The following ACBD6 variants were observed in gnomAD, a reference collection of about 807,000 sequenced individuals.
ACBD6 encodes acyl-CoA-binding domain-containing protein 6.
ACBD6 carries 28 observed loss-of-function variants against 37.2 expected under a neutral mutation model. The observed-to-expected ratio is 0.75, with a 90% CI of 0.56 to 1.03. The LOEUF is 1.03. Among genes scored for constraint, ACBD6 ranks in the 50% least tolerant of loss-of-function variants. ACBD6 has a pLI of 0.00. For synonymous variants in ACBD6, 113 were observed against 126.8 expected (o/e 0.89, Z 0.73); for missense variants, 340 against 337.4 (o/e 1.01, Z -0.06).
chr1:180,418,890 G>A (rs1384736724), intron 4 of ACBD6, among the ~76,000 whole-genome samples: 1 of 152,226 alleles, frequency 6.6e-6, no homozygotes, highest in Non-Finnish European at 1.5e-5. Context: ...GTAACCACAT[G>A]TAAGAAGCCT....
intron 3 of ACBD6, among the ~76,000 whole-genome samples, chr1:180,485,680 T>G (rs1317621543): frequency 2.0e-5 from 3 of 152,224 alleles, no homozygotes; most frequent in Non-Finnish European, 4.4e-5. Flanking sequence ...AATTTTCTGT[T>G]GTTTTAAACC....
At chr1:180,492,886 A>G (rs1194636275) in intron 2 of ACBD6, among the ~76,000 whole-genome samples, 1 of 152,148 alleles carries the variant, frequency 6.6e-6, no homozygotes, top group East Asian at 1.9e-4. Context: ...TATCTCATCT[A>G]TAAGCTTCTA....
chr1:180,270,825 G>T (rs1648601573), exon 14 of ACBD6: 1 of 167,620 alleles, frequency 6.0e-6, no homozygotes, highest in African/African-American at 2.4e-5. Context: ...GCCCACGAGT[G>T]GGTTCTGACC....
intron 3 of ACBD6, among the ~76,000 whole-genome samples, chr1:180,444,906 G>A (rs1406830534): frequency 3.9e-5 from 6 of 152,158 alleles, no homozygotes; most frequent in Admixed American, 6.5e-5. Flanking sequence ...TTAAAGCCTT[G>A]TGAAACTTTT....
intron 6 of ACBD6, among the ~76,000 whole-genome samples, chr1:180,381,325 C>G (rs1313331173): frequency 6.6e-6 from 1 of 152,084 alleles, no homozygotes; most frequent in Non-Finnish European, 1.5e-5. Context: ...AGAAAGTCAA[C>G]AAAGAAATAC....
intron 4 of ACBD6, among the ~76,000 whole-genome samples, chr1:180,423,827 C>T (rs578107326): frequency 2.0e-5 from 3 of 152,158 alleles, no homozygotes; most frequent in African/African-American, 7.2e-5. Flanking sequence ...AATCAGTTGC[C>T]GTATCAGAAA....
exon 14 of ACBD6, chr1:180,271,110 T>C: frequency 5.6e-6 from 3 of 533,708 alleles, no homozygotes; most frequent in Non-Finnish European, 6.8e-6. Flanking sequence ...GAGACTTCTG[T>C]GCAGCTGGGC....
intron 6 of ACBD6, among the ~76,000 whole-genome samples, chr1:180,333,914 A>G (rs1284889604): frequency 6.6e-6 from 1 of 152,204 alleles, no homozygotes; most frequent in Non-Finnish European, 1.5e-5. Flanking sequence ...AGCCTCGCTC[A>G]TTGCTAGCAC....
chr1:180,457,021 G>C (rs1423713111), intron 3 of ACBD6, among the ~76,000 whole-genome samples: 1 of 152,050 alleles, frequency 6.6e-6, no homozygotes, highest in Non-Finnish European at 1.5e-5. Context: ...TGCAAACCTA[G>C]AAACCGTAGA....
chr1:180,373,281 C>T (rs898202192), intron 6 of ACBD6, among the ~76,000 whole-genome samples: 5 of 152,044 alleles, frequency 3.3e-5, no homozygotes, highest in African/African-American at 9.7e-5. Context: ...TCTTTGAATA[C>T]AAAAATCAAA....
At chr1:180,274,931 A>T (rs1230782461) in exon 10 of ACBD6, 1 of 211,342 alleles carries the variant, frequency 4.7e-6, no homozygotes, top group African/African-American at 2.3e-5. Flanking sequence ...GCCTTTGGGA[A>T]CTTTGCTCCA....
chr1:180,376,702 G>C (rs1016159362), intron 6 of ACBD6, among the ~76,000 whole-genome samples: 4 of 152,184 alleles, frequency 2.6e-5, no homozygotes, highest in Non-Finnish European at 5.9e-5. Context: ...TTACCTGTAG[G>C]GAGTGGGTGA....
chr1:180,392,976 C>G (rs1182128495), intron 6 of ACBD6, among the ~76,000 whole-genome samples: 3 of 152,328 alleles, frequency 2.0e-5, no homozygotes, highest in Non-Finnish European at 4.4e-5. Flanking sequence ...TCCTACTCCT[C>G]CTACCAATAA....
At chr1:180,488,414 C>T (rs534867862) in intron 3 of ACBD6, among the ~76,000 whole-genome samples, 22 of 152,210 alleles carry the variant, frequency 1.4e-4, no homozygotes, top group Admixed American at 1.0e-3. Flanking sequence ...AGAGCTTTGA[C>T]AAAAATAGCT....
rs59973107 is a variant in ACBD6 at position 180,382,114 on chromosome 1, C to CAAA, written c.663+15399_663+15401dup. 7.6e-3 allele frequency among the ~76,000 whole-genome samples: 852 copies of CAAA among 112,134 alleles called. 10 individuals carry two copies. The highest frequency in any genetic ancestry group is 0.025 in the African/African-American group (799 of 32,546). 73.6% of individuals were successfully genotyped at this position (112,134 alleles called of 152,430 possible). On this transcript the variant is annotated intron_variant, in intron 6 of 7. Coordinates refer to ENST00000367595, the MANE Select transcript of ACBD6 (RefSeq NM_032360.4). ...TGGGTGACAGAACAAGACTGCATCT[C>CAAA]AAAAAAAAAAAAAAAGAAAAGAAAA...
intron 3 of ACBD6, among the ~76,000 whole-genome samples, chr1:180,484,259 A>G (rs562190408): frequency 6.7e-6 from 1 of 149,774 alleles, no homozygotes; most frequent in Non-Finnish European, 1.5e-5. Context: ...ATTTCACCAA[A>G]GTTTTTACAA....
At chr1:180,346,958 G>A (rs776869307) in intron 6 of ACBD6, among the ~76,000 whole-genome samples, 16 of 152,142 alleles carry the variant, frequency 1.1e-4, no homozygotes, top group Non-Finnish European at 2.9e-5. Flanking sequence ...CGAGGCTGCA[G>A]TGAGCTGTGA....
chr1:180,306,659 T>C (rs1225311713), intron 7 of ACBD6, among the ~76,000 whole-genome samples: 1 of 152,258 alleles, frequency 6.6e-6, no homozygotes, highest in Non-Finnish European at 1.5e-5. Flanking sequence ...CTCACTGCTG[T>C]ATAGTATTCT....
chr1:180,380,735 A>G (rs1412072348), intron 6 of ACBD6, among the ~76,000 whole-genome samples: 1 of 152,194 alleles, frequency 6.6e-6, no homozygotes, highest in African/African-American at 2.4e-5. Flanking sequence ...AAGAAAGAGA[A>G]AAACCTCAAA....
Sources: allele counts gnomAD v4.1 joint callset (sites outside exome capture counted in the v4.1 genomes callset), GRCh38; gene constraint gnomAD v4.1.1; transcripts MANE v1.5; gene names NCBI Gene and HGNC (gene_info 2026-07-23, HGNC 2026-07-21).